The following MCMBP variants were observed in gnomAD, a reference collection of about 807,000 sequenced individuals.
The protein encoded by MCMBP is minichromosome maintenance complex binding protein, also known as mini-chromosome maintenance complex-binding protein.
A neutral mutation model predicts 81.3 loss-of-function variants in MCMBP; 31 were observed. The observed-to-expected ratio is 0.38, with a 90% confidence interval of 0.29 to 0.51. The LOEUF is 0.51. Among genes scored for constraint, MCMBP ranks in the 20% least tolerant of loss-of-function variants. MCMBP has a pLI of 0.87. For synonymous variants in MCMBP, 267 were observed against 275.9 expected (o/e 0.97, Z 0.32); for missense variants, 645 against 772.1 (o/e 0.84, Z 1.95).
At chr10:119,861,483 T>C (rs1040258926) in intron 1 of MCMBP, among the ~76,000 whole-genome samples, 6 of 152,160 alleles carry the variant, frequency 3.9e-5, no homozygotes, top group African/African-American at 1.4e-4. Flanking sequence ...TGACTGACTA[T>C]AATGCACATT....
At chr10:119,838,414 A>G (rs1412703225) in intron 12 of MCMBP, 121 bp downstream of exon 12, 3 of 890,726 alleles carry the variant, frequency 3.4e-6, no homozygotes, top group Non-Finnish European at 4.9e-6. Flanking sequence ...TCATATGCCA[A>G]GCCTTTATCT....
chr10:119,870,831 G>T (rs1166467001), intron 1 of MCMBP, among the ~76,000 whole-genome samples: 4 of 152,136 alleles, frequency 2.6e-5, no homozygotes, highest in Non-Finnish European at 5.9e-5. Flanking sequence ...ACGTACACGG[G>T]AACAAGACAT....
Position 119,832,107 on chromosome 10 carries a change from CAA to C in MCMBP, c.1708-9_1708-8del, listed in dbSNP as rs779992230. On this transcript the variant is annotated splice_region_variant and splice_polypyrimidine_tract_variant and intron_variant, in intron 14 of 15. Coordinates refer to ENST00000369077, the MANE Select transcript of MCMBP (RefSeq NM_001256378.2). ...CAAAGTCATCTTCAACTGCCTTTAT[CAA>C]AAGAGTAAATGTAAATGATGTGCAT... The C allele has an allele frequency of 1.5e-5, 24 of 1,608,646 alleles. No homozygotes were observed. In the South Asian group the frequency reaches 2.2e-4, roughly 15 times the overall value.
At chr10:119,870,493 CTT>C (rs1853635120) in intron 1 of MCMBP, among the ~76,000 whole-genome samples, 2 of 151,928 alleles carry the variant, frequency 1.3e-5, no homozygotes, top group South Asian at 4.2e-4. Flanking sequence ...CAAAACTTAA[CTT>C]TTCAGTTTAA....
intron 1 of MCMBP, among the ~76,000 whole-genome samples, chr10:119,866,444 G>GT: frequency 6.6e-6 from 1 of 152,160 alleles, no homozygotes; most frequent in Admixed American, 6.5e-5. Context: ...TGACCAACAT[G>GT]GTAAAACTCC....
intron 1 of MCMBP, among the ~76,000 whole-genome samples, chr10:119,861,984 C>T (rs184677916): frequency 1.8e-3 from 267 of 152,184 alleles, no homozygotes; most frequent in Non-Finnish European, 2.8e-3. Flanking sequence ...CTCAAGTGAT[C>T]GATCCTCCTG....
rs567955708 is a variant in MCMBP at position 119,846,529 on chromosome 10, G to C, written c.827+1084C>G. ...CCAAGTACCTTCCTCCAAGTTACTT[G>C]TCAATTACAAAGTGAGAAATGTAAC... On this transcript the variant is annotated intron_variant, in intron 8 of 15. Coordinates refer to ENST00000369077, the MANE Select transcript of MCMBP (RefSeq NM_001256378.2). Among the ~76,000 whole-genome samples the C allele has an allele frequency of 8.5e-5, 13 of 152,288 alleles. 1 individual carries two copies. The East Asian group carries it at 2.3e-3, about 27-fold the overall frequency.
chr10:119,842,782 G>GAGACCA (rs777960080), intron 9 of MCMBP, 187 bp from the exon 10 acceptor site: 2 of 444,478 alleles, frequency 4.5e-6, no homozygotes, highest in Non-Finnish European at 7.3e-6. Flanking sequence ...TTTTTTTTTT[G>GAGACCA]AGACCAAGTT....
intron 5 of MCMBP, 121 bp downstream of exon 5, chr10:119,857,217 T>C: frequency 1.6e-6 from 1 of 643,436 alleles, no homozygotes; most frequent in Middle Eastern, 3.0e-4. Context: ...ATGGGTTTTC[T>C]CAATTAGAAC....
intron 1 of MCMBP, among the ~76,000 whole-genome samples, chr10:119,864,602 T>G (rs1480870197): frequency 2.4e-4 from 36 of 152,130 alleles, no homozygotes; most frequent in Admixed American, 2.4e-3. Context: ...TTAAAGAGCT[T>G]TGAGTTTCAC....
At chr10:119,857,097 C>CAAAAAAA (rs34331152) in intron 5 of MCMBP, among the ~76,000 whole-genome samples, 3 of 82,466 alleles carry the variant, frequency 3.6e-5, no homozygotes, top group African/African-American at 1.0e-4. Context: ...GTCCCTATCT[C>CAAAAAAA]AAAAAAAAAA....
intron 5 of MCMBP, among the ~76,000 whole-genome samples, chr10:119,855,131 T>A (rs1193703145): frequency 6.6e-6 from 1 of 151,948 alleles, no homozygotes; most frequent in Non-Finnish European, 1.5e-5. Flanking sequence ...ATGAGTGAAA[T>A]CTATGACAAA....
rs1474592008 is a variant in MCMBP, at chr10:119,872,606, C to A, written c.-22G>T. ...GCATCTCGCCAGGGGCCGGGGCCGG[C>A]GAAGACCGGGCGGAGGCGATCCGCG... On this transcript the variant is annotated 5_prime_UTR_variant, in exon 1 of 16. Transcript: ENST00000369077. 2 of 1,163,800 alleles carry A rather than the reference C, an allele frequency of 1.7e-6. No individual in the cohort carries two copies. Among genetic ancestry groups the A allele is most frequent in the Non-Finnish European group, 2.1e-6 (2 of 937,598 alleles). The allele number at this position is 1,163,800 out of a possible 1,614,324, so 72.1% of individuals were successfully genotyped here.
intron 1 of MCMBP, among the ~76,000 whole-genome samples, chr10:119,870,223 C>T (rs1246760531): frequency 2.6e-5 from 4 of 152,222 alleles, no homozygotes; most frequent in East Asian, 1.9e-4. Flanking sequence ...CCGAGGCGGG[C>T]GGATCACGAG....
rs775692860 is a variant in MCMBP at position 119,853,117 on chromosome 10, T to A, written c.507A>T (p.Glu169Asp). ...YTPSRHKRSYEDDDDMDLQPN... is the reference protein window; with the variant it reads ...YTPSRHKRSYDDDDDMDLQPN... ...GCTGTAGGTCCATATCGTCATCATCTTCATAACTCCTCTTGTGGCGACTAG... is the reference window on the plus strand; with the variant it reads ...GCTGTAGGTCCATATCGTCATCATCATCATAACTCCTCTTGTGGCGACTAG... Residue 169 changes from glutamate (E) to aspartate (D), a missense_variant, in exon 6 of 16, where the codon GAA (glutamate) becomes GAT (aspartate). By Grantham distance (45) the Glu-to-Asp change is conservative. Transcript: ENST00000369077. The A allele has an allele frequency of 6.2e-7, 1 of 1,614,216 alleles. No individual in the cohort carries two copies. The highest frequency in any genetic ancestry group is 1.7e-5 in the Admixed American group (1 of 60,028).
At chr10:119,851,543 C>T (rs1388217852) in intron 6 of MCMBP, among the ~76,000 whole-genome samples, 3 of 152,102 alleles carry the variant, frequency 2.0e-5, no homozygotes, top group African/African-American at 7.2e-5. Flanking sequence ...AGTGATTCTA[C>T]TGCCTTAGCC....
Position 119,860,694 on chromosome 10 carries a change from A to G in MCMBP, c.59-810T>C, listed in dbSNP as rs562048522. Among the ~76,000 whole-genome samples, 13 of 152,262 alleles carry G rather than the reference A, an allele frequency of 8.5e-5. 2 individuals carry two copies. In the South Asian group the frequency reaches 2.7e-3, roughly 32 times the overall value. ...TATGGAATAGTTCTGCAAACTTTATATTTCATGACATTGCTATTTAAGAAG... is the reference window on the plus strand; with the variant it reads ...TATGGAATAGTTCTGCAAACTTTATGTTTCATGACATTGCTATTTAAGAAG... On this transcript the variant is annotated intron_variant, in intron 1 of 15. Transcript: ENST00000369077.
chr10:119,851,650 T>A (rs1852828409), intron 6 of MCMBP, among the ~76,000 whole-genome samples: 1 of 152,094 alleles, frequency 6.6e-6, no homozygotes, highest in Admixed American at 6.6e-5. Flanking sequence ...CCAGGCTAGA[T>A]GATAGACCAT....
At chr10:119,838,289 TATATAAG>T (rs1281179702) in intron 12 of MCMBP, among the ~76,000 whole-genome samples, 1 of 144,704 alleles carries the variant, frequency 6.9e-6, no homozygotes, top group Non-Finnish European at 1.5e-5. Context: ...TGATATATAT[TATATAAG>T]ATATATTATA....
Sources: allele counts gnomAD v4.1 joint callset (sites outside exome capture counted in the v4.1 genomes callset), GRCh38; gene constraint gnomAD v4.1.1; transcripts MANE v1.5; gene names NCBI Gene and HGNC (gene_info 2026-07-23, HGNC 2026-07-21).